The following CLEC18C variants were observed in gnomAD, a reference collection of about 807,000 sequenced individuals.
CLEC18C encodes mannose receptor-like 3.
CLEC18C carries 2 observed loss-of-function variants against 27.2 expected under a neutral mutation model. The ratio of observed to expected loss-of-function variants is 0.07; its 90% CI spans 0.03 to 0.23. The LOEUF (loss-of-function observed/expected upper bound fraction) is 0.23, where lower values mean the gene tolerates loss of function less well. Among genes scored for constraint, CLEC18C ranks in the 10% least tolerant of loss-of-function variants. The pLI is 1.00. For synonymous variants in CLEC18C, 13 were observed against 112.8 expected, an observed-to-expected ratio of 0.12 and a Z score of 5.61; for missense variants, 31 against 269.0, an observed-to-expected ratio of 0.12 and a Z score of 6.19.
Position 70,177,366 on chromosome 16 carries a change from C to G in CLEC18C, c.342C>G (p.Pro114=). Residue 114 remains proline (P), a synonymous_variant, in exon 4 of 13, where the codon CCC becomes CCG. Coordinates refer to ENST00000541793, the MANE Select transcript of CLEC18C (RefSeq NM_173619.4). ...TGGGCTGGAACATGCAGCTGCTGCC[C>G]GCGGGCTTGGCGTCCTTTGTTGAAG... ...LQVGWNMQLL[P]AGLASFVEVV... is the part of the protein sequence containing the mutation. 1 of 1,612,038 alleles carries G rather than the reference C, an allele frequency of 6.2e-7. No individual in the cohort carries two copies. Among genetic ancestry groups the G allele is most frequent in the South Asian group, 1.1e-5 (1 of 91,012 alleles).
intron 3 of CLEC18C, among the ~76,000 whole-genome samples, chr16:70,175,526 G>C (rs1422164147): frequency 7.4e-6 from 1 of 135,530 alleles, no homozygotes; most frequent in Non-Finnish European, 1.5e-5. Context: ...TCACTCACTC[G>C]TCCACATTTT....
chr16:70,185,853 T>C, intron 11 of CLEC18C, 32 bp from the exon 12 acceptor site: 1 of 1,519,294 alleles, frequency 6.6e-7, no homozygotes, highest in Non-Finnish European at 8.8e-7. Context: ...GACTTCACTC[T>C]TGCCTCCTGA....
At chr16:70,178,387 G>C (rs1356376808) in intron 4 of CLEC18C, among the ~76,000 whole-genome samples, 2 of 134,848 alleles carry the variant, frequency 1.5e-5, no homozygotes, top group African/African-American at 5.7e-5. Context: ...CTCCCAAGTA[G>C]CTAGGACTAC....
At chr16:70,179,331 C>T (rs1301083381) in intron 4 of CLEC18C, among the ~76,000 whole-genome samples, 6 of 128,526 alleles carry the variant, frequency 4.7e-5, no homozygotes, top group African/African-American at 1.8e-4. Flanking sequence ...GCGATCTCGG[C>T]TCACTGCAAG....
chr16:70,176,591 T>C (rs1216814603), intron 3 of CLEC18C, among the ~76,000 whole-genome samples: 1 of 149,414 alleles, frequency 6.7e-6, no homozygotes, highest in Non-Finnish European at 1.5e-5. Flanking sequence ...TAGCCAGGTG[T>C]GGTGTCACAT....
intron 2 of CLEC18C, 106 bp downstream of exon 2, chr16:70,174,508 CGTGCGGG>C: frequency 5.6e-6 from 4 of 713,552 alleles, no homozygotes; most frequent in Non-Finnish European, 8.7e-6. Flanking sequence ...AGCCCCAGGC[CGTGCGGG>C]TGGTTTAATG....
chr16:70,179,686 G>T (rs1968401535), intron 4 of CLEC18C, among the ~76,000 whole-genome samples: 2 of 145,934 alleles, frequency 1.4e-5, no homozygotes. Flanking sequence ...TTGCTCTGTT[G>T]CCCAGGCCAG....
chr16:70,178,483 C>G (rs1210061701), intron 4 of CLEC18C, among the ~76,000 whole-genome samples: 5 of 140,762 alleles, frequency 3.6e-5, no homozygotes, highest in South Asian at 2.2e-4. Context: ...GTCTCAAACT[C>G]CTGACCTCAA....
chr16:70,176,557 C>G (rs1252430995), intron 3 of CLEC18C, among the ~76,000 whole-genome samples: 1 of 151,124 alleles, frequency 6.6e-6, no homozygotes, highest in Non-Finnish European at 1.5e-5. Context: ...GGTGAAACCC[C>G]GTCTCTACTA....
chr16:70,179,305 G>C (rs1290346485), intron 4 of CLEC18C, among the ~76,000 whole-genome samples: 3 of 139,566 alleles, frequency 2.1e-5, no homozygotes, highest in Non-Finnish European at 4.8e-5. Context: ...TGTCGCGCAG[G>C]CTACTGTGCA....
Position 70,185,877 on chromosome 16 carries a change from G to C in CLEC18C, c.1212-8G>C, listed in dbSNP as rs1209576064. 8 of 1,563,868 alleles carry C rather than the reference G, an allele frequency of 5.1e-6. No individual in the cohort carries two copies. The highest frequency in any genetic ancestry group is 1.8e-4 in the Middle Eastern group (1 of 5,616). On this transcript the variant is annotated splice_polypyrimidine_tract_variant and splice_region_variant and intron_variant, in intron 11 of 12. Coordinates refer to ENST00000541793, the MANE Select transcript of CLEC18C (RefSeq NM_173619.4). ...CTTGCCTCCTGACCACCACACCATG[G>C]CCTGCAGGTTTGGCAACTGCGTGGA... is the stretch of plus-strand genomic sequence containing the variant.
chr16:70,179,609 C>G (rs556940383), intron 4 of CLEC18C, among the ~76,000 whole-genome samples: 158 of 147,552 alleles, frequency 1.1e-3, no homozygotes, highest in African/African-American at 3.9e-3. Flanking sequence ...AAACCTAACT[C>G]TGTTTTGTTG....
At chr16:70,179,299 G>A (rs1203455815) in intron 4 of CLEC18C, among the ~76,000 whole-genome samples, 2 of 135,150 alleles carry the variant, frequency 1.5e-5, no homozygotes, top group Non-Finnish European at 1.6e-5. Context: ...TTGCTCTGTC[G>A]CGCAGGCTAC....
Position 70,185,897 on chromosome 16 carries a change from C to T in CLEC18C, c.1224C>T (p.Cys408=), listed in dbSNP as rs375013813. 135 of 1,586,790 alleles carry T rather than the reference C, an allele frequency of 8.5e-5. 1 individual carries two copies. The highest frequency in any genetic ancestry group is 1.1e-4 in the Non-Finnish European group (126 of 1,177,050). ...CCATGGCCTGCAGGTTTGGCAACTG[C>T]GTGGAGCTGCAGGCTTCAGCTGCCT... ...GQPDNHGFGN[C]VELQASAAFN... The change falls in exon 12 of 13, where the codon TGC becomes TGT. Residue 408 remains cysteine (C), a synonymous_variant. Coordinates refer to ENST00000541793, the MANE Select transcript of CLEC18C (RefSeq NM_173619.4).
At position 70,174,260 on chromosome 16, in the gene CLEC18C, T is replaced by G; in HGVS notation, c.-19T>G. On this transcript the variant is annotated 5_prime_UTR_variant, in exon 2 of 13. Transcript: ENST00000541793. ...TGAGCCAGGCTGTGCACGGAGTGCCTGACGGGCCCAACAGACCCATGCTGC... is the reference window on the plus strand; with the variant it reads ...TGAGCCAGGCTGTGCACGGAGTGCCGGACGGGCCCAACAGACCCATGCTGC... The G allele has an allele frequency of 1.5e-6, 2 of 1,311,894 alleles. 1 individual carries two copies. The highest frequency in any genetic ancestry group is 2.1e-6 in the Non-Finnish European group (2 of 958,550). 81.3% of individuals were successfully genotyped at this position (1,311,894 alleles called of 1,614,324 possible).
At chr16:70,179,248 T>C (rs1968382702) in intron 4 of CLEC18C, among the ~76,000 whole-genome samples, 1 of 136,384 alleles carries the variant, frequency 7.3e-6, no homozygotes, top group South Asian at 2.2e-4. Flanking sequence ...CCGAAGATCT[T>C]CTGGCTCCTT....
chr16:70,176,754 C>T (rs1455601572), intron 3 of CLEC18C, among the ~76,000 whole-genome samples: 1 of 84,424 alleles, frequency 1.2e-5, no homozygotes, highest in African/African-American at 5.5e-5. Flanking sequence ...AGGGAGGGGG[C>T]GGGGTCAGCT....
rs149826424 is a variant in CLEC18C at position 70,185,957 on chromosome 16, C to T, written c.1284C>T (p.Asn428=). 4.7e-4 allele frequency: 749 copies of T among 1,595,440 alleles called. 33 individuals carry two copies. The South Asian group carries it at 6.2e-3, about 13-fold the overall frequency. Reference sequence around the variant, plus strand: ...ACAACCAGCGCTGCAAAACCCGAAACCGTTACATCTGCCAGTTTGGTGAGG... The same window carrying T: ...ACAACCAGCGCTGCAAAACCCGAAATCGTTACATCTGCCAGTTTGGTGAGG... ...NWNNQRCKTR[N]RYICQFAQEH... Residue 428 remains asparagine (N), a synonymous_variant, in exon 12 of 13, where the codon AAC becomes AAT. Transcript: ENST00000541793.
intron 4 of CLEC18C, among the ~76,000 whole-genome samples, chr16:70,179,283 G>A (rs1404287320): frequency 1.4e-5 from 2 of 141,288 alleles, no homozygotes; most frequent in Admixed American, 6.9e-5. Context: ...TTTTTGAGAC[G>A]GAGTCTTGCT....
Sources: gnomAD v4.1 joint callset for allele counts (sites outside exome capture counted in the v4.1 genomes callset) on GRCh38, gnomAD v4.1.1 for gene constraint, MANE v1.5 for transcripts, NCBI Gene and HGNC (gene_info 2026-07-23, HGNC 2026-07-21) for gene names.